The following FRMPD1 variants were observed in gnomAD, a reference collection of about 807,000 sequenced individuals.
FRMPD1 encodes the protein FERM and PDZ domain containing 1.
Under a neutral mutation model 117.8 loss-of-function variants are expected in FRMPD1, and 76 were observed. The observed-to-expected ratio is 0.65, with a 90% CI of 0.54 to 0.78. FRMPD1 has a LOEUF of 0.78. Among genes scored for constraint, FRMPD1 ranks in the 30% least tolerant of loss-of-function variants. The probability of loss-of-function intolerance (pLI) is 0.00; values close to 1 mark genes in which losing one functional copy is unlikely to be tolerated. For missense variants in FRMPD1, 1,786 were observed against 1,964.5 expected, an observed-to-expected ratio of 0.91 and a Z score of 1.72; for synonymous variants, 783 against 770.4, an observed-to-expected ratio of 1.02 and a Z score of -0.27.
Position 37,746,240 on chromosome 9 carries a change from A to G in FRMPD1, c.4208A>G (p.Tyr1403Cys). The G allele has an allele frequency of 1.2e-6, 2 of 1,612,984 alleles. No individual in the cohort carries two copies. Among genetic ancestry groups the G allele is most frequent in the Non-Finnish European group, 1.7e-6 (2 of 1,179,888 alleles). The part of the protein sequence containing the change: ...LSRKSHIWPE[Y>C]CSRALRQLKA... ...AGGAAAAGCCACATCTGGCCAGAGT[A>G]CTGCTCCAGGGCACTGAGACAGCTG... The change falls in exon 16 of 16, where the codon TAC becomes TGC. Residue 1403 changes from tyrosine to cysteine, a missense_variant. Transcript: ENST00000377765.
At chr9:37,612,676 G>C in the FRMPD1 span, among the ~76,000 whole-genome samples, 1 of 152,142 alleles carries the variant, frequency 6.6e-6, no homozygotes, top group Non-Finnish European at 1.5e-5. Flanking sequence ...ATTTTTAGTA[G>C]AGACAAGGTT....
At chr9:37,709,833 A>T (rs963829774) in intron 4 of FRMPD1, among the ~76,000 whole-genome samples, 4 of 152,190 alleles carry the variant, frequency 2.6e-5, no homozygotes, top group Admixed American at 1.3e-4. Flanking sequence ...AGTCCAGATG[A>T]TAGAAGGTCT....
intron 5 of FRMPD1, among the ~76,000 whole-genome samples, chr9:37,717,829 T>G (rs1823218068): frequency 6.6e-6 from 1 of 152,182 alleles, no homozygotes; most frequent in African/African-American, 2.4e-5. Flanking sequence ...AACTGTTACA[T>G]ATTATAGGTC....
At chr9:37,722,906 T>G (rs1563950156) in intron 6 of FRMPD1, among the ~76,000 whole-genome samples, 1 of 152,214 alleles carries the variant, frequency 6.6e-6, no homozygotes, top group Non-Finnish European at 1.5e-5. Context: ...TTAGGTATAT[T>G]CTTACGAGAG....
At chr9:37,610,730 G>A in the FRMPD1 span, among the ~76,000 whole-genome samples, 5 of 152,124 alleles carry the variant, frequency 3.3e-5, no homozygotes, top group East Asian at 9.7e-4. Flanking sequence ...GAGTAGCTGC[G>A]ATTACAGGCG....
chr9:37,656,120 C>T (rs974662273), intron 1 of FRMPD1, among the ~76,000 whole-genome samples: 1 of 152,186 alleles, frequency 6.6e-6, no homozygotes, highest in Non-Finnish European at 1.5e-5. Context: ...CTTTCTACCC[C>T]ACAACCCTTT....
chr9:37,637,109 C>T, the FRMPD1 span: 1 of 1,596,942 alleles, frequency 6.3e-7, no homozygotes, highest in South Asian at 1.1e-5. Flanking sequence ...CGCCGTGTCC[C>T]AGATCTGAAG....
At chr9:37,616,629 T>C in the FRMPD1 span, among the ~76,000 whole-genome samples, 1 of 152,194 alleles carries the variant, frequency 6.6e-6, no homozygotes, top group African/African-American at 2.4e-5. Context: ...AATACTGTTG[T>C]TAGATTTACC....
At chr9:37,645,652 G>A in the FRMPD1 span, among the ~76,000 whole-genome samples, 1 of 152,186 alleles carries the variant, frequency 6.6e-6, no homozygotes, top group Non-Finnish European at 1.5e-5. Flanking sequence ...CCTATTCTTA[G>A]TATTATACAG....
chr9:37,735,103 T>A (rs947250510), intron 12 of FRMPD1, among the ~76,000 whole-genome samples: 1 of 152,190 alleles, frequency 6.6e-6, no homozygotes, highest in African/African-American at 2.4e-5. Context: ...AAGTCATAAG[T>A]GTTCAGTGCT....
the FRMPD1 span, among the ~76,000 whole-genome samples, chr9:37,640,736 A>G: frequency 2.6e-5 from 4 of 152,240 alleles, no homozygotes; most frequent in Non-Finnish European, 4.4e-5. Flanking sequence ...TGTTTTAACA[A>G]TGAATTATTT....
At chr9:37,639,656 T>C in the FRMPD1 span, among the ~76,000 whole-genome samples, 1 of 152,200 alleles carries the variant, frequency 6.6e-6, no homozygotes, top group Non-Finnish European at 1.5e-5. Context: ...AGGATGTCCA[T>C]ACATCCATGG....
At chr9:37,710,845 C>T (rs1057237811) in intron 4 of FRMPD1, among the ~76,000 whole-genome samples, 9 of 151,434 alleles carry the variant, frequency 5.9e-5, no homozygotes, top group Non-Finnish European at 5.9e-5. Context: ...GTAGTCCCAG[C>T]TACTCGGGAG....
chr9:37,700,960 C>T (rs1822508627), intron 2 of FRMPD1, among the ~76,000 whole-genome samples: 1 of 152,166 alleles, frequency 6.6e-6, no homozygotes, highest in African/African-American at 2.4e-5. Context: ...TTTCCTTTAG[C>T]TTACTGTCAA....
chr9:37,654,921 G>A (rs1016120558), intron 1 of FRMPD1, among the ~76,000 whole-genome samples: 2 of 152,218 alleles, frequency 1.3e-5, no homozygotes, highest in African/African-American at 4.8e-5. Flanking sequence ...TGCTGCTGCT[G>A]CTCCTGCTAC....
chr9:37,731,028 G>A lies in FRMPD1; in HGVS notation c.783G>A (p.Arg261=), dbSNP rs564643240. Residue 261 remains arginine, a synonymous_variant, in exon 9 of 16, where the codon AGG becomes AGA. Transcript: ENST00000377765. ...CACATGACTACCGCTGCCTCTTCAG[G>A]GTCTGTTTTGTTCCCAAGGACCCCC... ...EESHDYRCLF[R]VCFVPKDPLD... is the part of the protein sequence containing the mutation. 6.2e-7 allele frequency: 1 copy of A among 1,613,776 alleles called. No homozygotes were observed. Among genetic ancestry groups the A allele is most frequent in the East Asian group, 2.2e-5 (1 of 44,884 alleles).
the FRMPD1 span, among the ~76,000 whole-genome samples, chr9:37,644,908 C>T: frequency 1.3e-5 from 2 of 152,032 alleles, no homozygotes; most frequent in African/African-American, 4.8e-5. Context: ...GTGGCATCTG[C>T]CCCCGGGGGC....
chr9:37,615,518 T>C, the FRMPD1 span, among the ~76,000 whole-genome samples: 1 of 152,190 alleles, frequency 6.6e-6, no homozygotes, highest in Non-Finnish European at 1.5e-5. Flanking sequence ...CTGAGAACCA[T>C]TCTGTTTCTT....
At chr9:37,711,907 C>T (rs1402542798) in intron 5 of FRMPD1, among the ~76,000 whole-genome samples, 2 of 152,134 alleles carry the variant, frequency 1.3e-5, no homozygotes, top group Non-Finnish European at 2.9e-5. Flanking sequence ...TAAACCACCA[C>T]AGGCCGAGGA....
Sources: allele counts gnomAD v4.1 joint callset (sites outside exome capture counted in the v4.1 genomes callset), GRCh38; gene constraint gnomAD v4.1.1; transcripts MANE v1.5; gene names NCBI Gene and HGNC (gene_info 2026-07-23, HGNC 2026-07-21).